LAMA2: variants seen among roughly 807,000 people sequenced by gnomAD.
The protein encoded by LAMA2 is laminin subunit alpha-2.
In LAMA2, 269 loss-of-function variants were observed where a neutral mutation model predicts 364.8. The ratio of observed to expected loss-of-function variants is 0.74; its 90% CI spans 0.67 to 0.82. LAMA2 has a LOEUF of 0.82. LAMA2 is among the 40% of genes least tolerant of loss of function. LAMA2 has a pLI of 0.00. For missense variants in LAMA2, 3,807 were observed against 3,873.2 expected (o/e 0.98, Z 0.45); for synonymous variants, 1,379 against 1,370.6 (o/e 1.01, Z -0.14).
intron 58 of LAMA2, among the ~76,000 whole-genome samples, chr6:129,500,833 T>A (rs1016769120): frequency 1.3e-5 from 2 of 152,106 alleles, no homozygotes; most frequent in South Asian, 2.1e-4. Context: ...ACCTTGAAAA[T>A]TTTTTAAATT....
At chr6:129,403,729 T>C (rs1269095246) in intron 39 of LAMA2, 92 bp from the exon 40 acceptor site, 4 of 1,181,018 alleles carry the variant, frequency 3.4e-6, no homozygotes, top group Non-Finnish European at 5.0e-6. Flanking sequence ...TTGGCCATGA[T>C]CATTTGGAAG....
At chr6:129,479,151 G>T (rs1784231254) in intron 54 of LAMA2, among the ~76,000 whole-genome samples, 1 of 151,364 alleles carries the variant, frequency 6.6e-6, no homozygotes, top group Non-Finnish European at 1.5e-5. Flanking sequence ...TTACTTTTAT[G>T]TGTTGTATAT....
intron 40 of LAMA2, among the ~76,000 whole-genome samples, chr6:129,405,774 T>G (rs1023074652): frequency 3.3e-5 from 5 of 152,148 alleles, no homozygotes; most frequent in African/African-American, 1.2e-4. Flanking sequence ...AAGCATTACG[T>G]TGAGTAATTA....
At chr6:128,908,507 C>A (rs1241936810) in intron 1 of LAMA2, among the ~76,000 whole-genome samples, 1 of 147,230 alleles carries the variant, frequency 6.8e-6, no homozygotes, top group Non-Finnish European at 1.5e-5. Context: ...TTTATTGCGT[C>A]TATTTGATTC....
chr6:128,963,613 A>G (rs1423048018), intron 1 of LAMA2, among the ~76,000 whole-genome samples: 1 of 152,144 alleles, frequency 6.6e-6, no homozygotes, highest in Non-Finnish European at 1.5e-5. Flanking sequence ...ACCTCAAAAC[A>G]ACCAAACACT....
chr6:129,152,711 C>T lies in LAMA2; in HGVS notation c.1028-1794C>T, dbSNP rs148070025. The stretch of plus-strand genomic sequence containing the variant: ...ACTTTTCTAACATTAGAGCGCCTCC[C>T]TCCACCCGGCATCCTTGTCCTCCCA... On this transcript the variant is annotated intron_variant, in intron 7 of 64. Coordinates refer to ENST00000421865, the MANE Select transcript of LAMA2 (RefSeq NM_000426.4). 3.4e-3 allele frequency among the ~76,000 whole-genome samples: 519 copies of T among 152,260 alleles called. 3 individuals carry two copies. The highest frequency in any genetic ancestry group is 0.012 in the African/African-American group (487 of 41,548).
At chr6:129,167,012 A>C (rs1468179594) in intron 9 of LAMA2, among the ~76,000 whole-genome samples, 2 of 152,206 alleles carry the variant, frequency 1.3e-5, no homozygotes, top group Non-Finnish European at 2.9e-5. Context: ...CTTATTCCAT[A>C]TAATTACTTT....
chr6:129,462,939 A>G (rs1052154727), intron 49 of LAMA2, among the ~76,000 whole-genome samples: 12 of 152,066 alleles, frequency 7.9e-5, no homozygotes, highest in African/African-American at 2.2e-4. Context: ...CATTTATTCA[A>G]TAGTCAGTAG....
chr6:129,070,536 G>A (rs903999488), intron 3 of LAMA2, among the ~76,000 whole-genome samples: 2 of 148,668 alleles, frequency 1.3e-5, no homozygotes, highest in Non-Finnish European at 3.0e-5. Context: ...AAACTCTTTT[G>A]TAACAGCTTC....
At chr6:129,379,829 A>G (rs758612849) in intron 34 of LAMA2, among the ~76,000 whole-genome samples, 9 of 152,298 alleles carry the variant, frequency 5.9e-5, no homozygotes, top group Middle Eastern at 3.4e-3. Context: ...TTGCCCAGCC[A>G]ACCACATTTC....
At chr6:129,391,193 C>T (rs1189978902) in intron 35 of LAMA2, among the ~76,000 whole-genome samples, 1 of 152,106 alleles carries the variant, frequency 6.6e-6, no homozygotes, top group Non-Finnish European at 1.5e-5. Flanking sequence ...TTTTTTTAAA[C>T]TCTTACCTGA....
chr6:129,284,605 G>T (rs574740913), intron 18 of LAMA2, among the ~76,000 whole-genome samples: 27 of 152,172 alleles, frequency 1.8e-4, no homozygotes, highest in African/African-American at 6.3e-4. Context: ...ATTGTTTTCA[G>T]TGTATAGATA....
At chr6:129,125,191 T>C (rs1421562873) in intron 4 of LAMA2, among the ~76,000 whole-genome samples, 1 of 152,100 alleles carries the variant, frequency 6.6e-6, no homozygotes. Flanking sequence ...TGCTTTGAAA[T>C]GAGTTGGGGA....
chr6:129,205,868 A>T (rs1413835508), intron 12 of LAMA2, among the ~76,000 whole-genome samples: 1 of 151,922 alleles, frequency 6.6e-6, no homozygotes, highest in East Asian at 1.9e-4. Context: ...TACTAAAAAT[A>T]CAAAAATTAG....
At chr6:128,894,811 T>A (rs1354634034) in intron 1 of LAMA2, among the ~76,000 whole-genome samples, 3 of 152,268 alleles carry the variant, frequency 2.0e-5, no homozygotes, top group Non-Finnish European at 4.4e-5. Context: ...TTTGTGCTAA[T>A]GTACCATCAG....
intron 1 of LAMA2, among the ~76,000 whole-genome samples, chr6:128,920,829 T>A (rs901926727): frequency 6.6e-6 from 1 of 151,904 alleles, no homozygotes; most frequent in African/African-American, 2.4e-5. Flanking sequence ...CTTTTTATGT[T>A]GAGAAAGGGA....
intron 1 of LAMA2, chr6:128,929,030 A>G: frequency 1.4e-6 from 2 of 1,423,186 alleles, no homozygotes; most frequent in Non-Finnish European, 2.0e-6. Flanking sequence ...TGCATTCAAG[A>G]AGCCAATGGT....
intron 58 of LAMA2, among the ~76,000 whole-genome samples, chr6:129,497,800 A>AATC (rs1445034409): frequency 6.6e-6 from 1 of 152,230 alleles, no homozygotes; most frequent in African/African-American, 2.4e-5. Flanking sequence ...GGATTATGTC[A>AATC]ATCTTATGAT....
rs567300439 is a variant in LAMA2, at chr6:128,996,148, G to A, written c.113-53770G>A. ...TGACACAACAGAAAGTAGTTGTGTC[G>A]GGCAATTTTAGATAAAATGGCGAGT... On this transcript the variant is annotated intron_variant, in intron 1 of 64. Coordinates refer to ENST00000421865, the MANE Select transcript of LAMA2 (RefSeq NM_000426.4). Among the ~76,000 whole-genome samples, 33 of 152,222 alleles carry A rather than the reference G, an allele frequency of 2.2e-4. No individual in the cohort carries two copies. The South Asian group carries it at 5.4e-3, about 25-fold the overall frequency.
Sources: gnomAD v4.1 joint callset for allele counts (sites outside exome capture counted in the v4.1 genomes callset) on GRCh38, gnomAD v4.1.1 for gene constraint, MANE v1.5 for transcripts, NCBI Gene and HGNC (gene_info 2026-07-23, HGNC 2026-07-21) for gene names.